Variants in H6PD observed in about 807,000 individuals in gnomAD.
H6PD encodes the protein hexose-6-phosphate dehydrogenase/glucose 1-dehydrogenase.
H6PD carries 48 observed loss-of-function variants against 61.2 expected under a neutral mutation model. The ratio of observed to expected loss-of-function variants is 0.78; its 90% CI spans 0.62 to 1.00. The LOEUF is 1.00. Among genes scored for constraint, H6PD ranks in the 50% least tolerant of loss-of-function variants. The pLI is 0.00. For missense variants in H6PD, 1,093 were observed against 1,065.0 expected (o/e 1.03, Z -0.37); for synonymous variants, 480 against 457.9 (o/e 1.05, Z -0.62).
In H6PD at chr1:9,270,085, G is replaced by A. The variant is rs1403004536; in HGVS notation, c.*5216G>A. On this transcript the variant is annotated 3_prime_UTR_variant, in exon 5 of 5. Transcript: ENST00000377403. ...CTAGCCAACTTTTGGGAGCGCTTCTGTTTGCAAAGCGCTGGGGATGTGCCT... is the reference window on the plus strand; with the variant it reads ...CTAGCCAACTTTTGGGAGCGCTTCTATTTGCAAAGCGCTGGGGATGTGCCT... 1 of 152,630 alleles carries A rather than the reference G, an allele frequency of 6.6e-6. No homozygotes were observed. Among genetic ancestry groups the A allele is most frequent in the Non-Finnish European group, 1.5e-5 (1 of 68,034 alleles). 9.5% of individuals were successfully genotyped at this position (152,630 alleles called of 1,614,324 possible). A position where few individuals can be genotyped will look rare whatever the true frequency, so the allele number is the denominator to read the frequency against.
In H6PD at chr1:9,264,683, C is replaced by A; in HGVS notation, c.2190C>A (p.Ser730Arg). 6.2e-7 allele frequency: 1 copy of A among 1,613,318 alleles called. No homozygotes were observed. Among genetic ancestry groups the A allele is most frequent in the Non-Finnish European group, 8.5e-7 (1 of 1,180,012 alleles). The change falls in exon 5 of 5, where the codon AGC becomes AGA. Residue 730 changes from serine (S) to arginine (R), a missense_variant. Coordinates refer to ENST00000377403, the MANE Select transcript of H6PD (RefSeq NM_004285.4). ...TSPSQPHRRM[S>R]LSLPLINRAK... ...CCTCCCAGCCACACCGCCGCATGAG[C>A]CTTAGCCTGCCTCTCATCAACCGCG...
intron 3 of H6PD, among the ~76,000 whole-genome samples, chr1:9,247,737 C>T (rs933481611): frequency 1.3e-5 from 2 of 152,180 alleles, no homozygotes; most frequent in Non-Finnish European, 1.5e-5. Context: ...GGGGGCCCTG[C>T]GTCATGCCCA....
intron 1 of H6PD, among the ~76,000 whole-genome samples, chr1:9,239,310 G>C (rs554378402): frequency 4.3e-4 from 65 of 152,300 alleles, no homozygotes; most frequent in African/African-American, 1.5e-3. Flanking sequence ...GTCTCCCAAA[G>C]TGCTGGGATT....
Position 9,270,375 on chromosome 1 carries a change from A to C in H6PD, c.*5506A>C, listed in dbSNP as rs892061726. 6.6e-6 allele frequency: 1 copy of C among 152,246 alleles called. No individual in the cohort carries two copies. The highest frequency in any genetic ancestry group is 2.4e-5 in the African/African-American group (1 of 41,430). The allele number at this position is 152,246 out of a possible 1,614,324, so 9.4% of individuals were successfully genotyped here. On this transcript the variant is annotated 3_prime_UTR_variant, in exon 5 of 5. Coordinates refer to ENST00000377403, the MANE Select transcript of H6PD (RefSeq NM_004285.4). ...CTACTTGTGTCGCTTTGGGTCCTTC[A>C]CTTTACCCCCACAGAAGTCTAGAGG...
Position 9,244,908 on chromosome 1 carries a change from C to T in H6PD, c.-10-17C>T, listed in dbSNP as rs1641112538. The T allele has an allele frequency of 1.2e-6, 2 of 1,610,910 alleles. No individual in the cohort carries two copies. Among genetic ancestry groups the T allele is most frequent in the Non-Finnish European group, 1.7e-6 (2 of 1,178,188 alleles). The stretch of plus-strand genomic sequence containing the variant: ...TGATCCTTCCTTGTTCCTCGTCTGT[C>T]TCTCTTTGCACCCCAGGCACCCAGG... On this transcript the variant is annotated splice_polypyrimidine_tract_variant and intron_variant, in intron 1 of 4. Coordinates refer to ENST00000377403, the MANE Select transcript of H6PD (RefSeq NM_004285.4).
At position 9,246,872 on chromosome 1, in the gene H6PD, G is replaced by A. The variant is rs1641190595; in HGVS notation, c.628-94G>A. On this transcript the variant is annotated intron_variant, in intron 2 of 4. Transcript: ENST00000377403. ...CAGAGGGCATCTTCTGCTCTGAGCA[G>A]GGAATAGAAAGGTCAGAGCCCTTCC... 3.5e-6 allele frequency: 3 copies of A among 852,624 alleles called. No individual in the cohort carries two copies. In the South Asian group the frequency reaches 4.0e-5, roughly 11 times the overall value. The allele number at this position is 852,624 out of a possible 1,614,324, so 52.8% of individuals were successfully genotyped here. A position where few individuals can be genotyped will look rare whatever the true frequency, so the allele number is the denominator to read the frequency against.
In H6PD at chr1:9,270,872, C is replaced by G. The variant is rs1638726125; in HGVS notation, c.*6003C>G. On this transcript the variant is annotated 3_prime_UTR_variant, in exon 5 of 5. Coordinates refer to ENST00000377403, the MANE Select transcript of H6PD (RefSeq NM_004285.4). ...CGTGCTTTTTTCCAGAGAGGGGAAC[C>G]CCACTGGTTTTTGTGGAAACAATGG... The G allele has an allele frequency of 1.3e-5, 2 of 152,144 alleles. No individual in the cohort carries two copies. Among genetic ancestry groups the G allele is most frequent in the Admixed American group, 1.3e-4 (2 of 15,278 alleles). The allele number at this position is 152,144 out of a possible 1,614,324, so 9.4% of individuals were successfully genotyped here.
intron 3 of H6PD, among the ~76,000 whole-genome samples, chr1:9,258,498 G>A (rs1007861365): frequency 7.2e-5 from 11 of 151,910 alleles, no homozygotes; most frequent in East Asian, 1.9e-4. Flanking sequence ...TTGTTATGCC[G>A]GTGTTGTGTT....
chr1:9,265,128 G>A lies in H6PD; in HGVS notation c.*259G>A, dbSNP rs768004357. On this transcript the variant is annotated 3_prime_UTR_variant, in exon 5 of 5. Transcript: ENST00000377403. ...GCTTCAAATTCAGGCCAGGAGAGAA[G>A]TCTTAAGAAAAGACCTCCAGCAGTT... is the stretch of plus-strand genomic sequence containing the variant. 113 of 576,550 alleles carry A rather than the reference G, an allele frequency of 2.0e-4. No homozygotes were observed. Among genetic ancestry groups the A allele is most frequent in the Non-Finnish European group, 3.1e-4 (100 of 321,702 alleles). 35.7% of individuals were successfully genotyped at this position (576,550 alleles called of 1,614,324 possible). A position where few individuals can be genotyped will look rare whatever the true frequency, so the allele number is the denominator to read the frequency against.
At chr1:9,239,751 G>A (rs1250515811) in intron 1 of H6PD, 2 of 377,386 alleles carry the variant, frequency 5.3e-6, no homozygotes, top group Non-Finnish European at 4.7e-6. Context: ...AGGGAACAGG[G>A]CAGCAGCAGA....
chr1:9,260,059 T>C (rs1641671027), intron 3 of H6PD, among the ~76,000 whole-genome samples: 1 of 152,170 alleles, frequency 6.6e-6, no homozygotes, highest in Non-Finnish European at 1.5e-5. Context: ...GGTGTTATGT[T>C]GTTACTCCGG....
Position 9,253,059 on chromosome 1 carries a change from A to T in H6PD, c.745+5976A>T, listed in dbSNP as rs180949857. On this transcript the variant is annotated intron_variant, in intron 3 of 4. Coordinates refer to ENST00000377403, the MANE Select transcript of H6PD (RefSeq NM_004285.4). ...CGGGCAGTAACTAGAAAAGATCAAC[A>T]TCAGCAGGAGGGCCAGCCCCTCGCC... Among the ~76,000 whole-genome samples, 376 of 152,340 alleles carry T rather than the reference A, an allele frequency of 2.5e-3. 3 individuals are homozygous for T. Among genetic ancestry groups the T allele is most frequent in the Non-Finnish European group, 4.1e-3 (282 of 68,030 alleles).
Position 9,247,074 on chromosome 1 carries a change from G to T in H6PD, c.736G>T (p.Asp246Tyr). 6.2e-7 allele frequency: 1 copy of T among 1,605,572 alleles called. No homozygotes were observed. The highest frequency in any genetic ancestry group is 8.5e-7 in the Non-Finnish European group (1 of 1,172,162). ...RVEIIMKETV[D>Y]AEGRTSFYEE... ...GGAGATCATCATGAAAGAGACCGTG[G>T]ATGCTGAAGGTGTGTGAGTGGCCCT... Residue 246 changes from aspartate to tyrosine, a missense_variant, in exon 3 of 5, where the codon GAT (aspartate) becomes TAT (tyrosine). Coordinates refer to ENST00000377403, the MANE Select transcript of H6PD (RefSeq NM_004285.4).
Position 9,237,658 on chromosome 1 carries a change from C to T in H6PD, c.-11+2592C>T, listed in dbSNP as rs991832385. On this transcript the variant is annotated intron_variant, in intron 1 of 4. Transcript: ENST00000377403. ...GGTGTGATGCATGTCACACCGATAG[C>T]CTAGCATTTGGCATATAGTTAAATA... 2.0e-5 allele frequency among the ~76,000 whole-genome samples: 3 copies of T among 152,238 alleles called. No homozygotes were observed. In the East Asian group the frequency reaches 5.8e-4, roughly 29 times the overall value.
chr1:9,248,357 A>C (rs1641252267), intron 3 of H6PD, among the ~76,000 whole-genome samples: 1 of 151,934 alleles, frequency 6.6e-6, no homozygotes, highest in African/African-American at 2.4e-5. Context: ...TCCTCTCTGA[A>C]TGTGTATTTA....
intron 3 of H6PD, among the ~76,000 whole-genome samples, chr1:9,260,189 G>T (rs1232273686): frequency 1.3e-5 from 2 of 151,644 alleles, no homozygotes; most frequent in Non-Finnish European, 2.9e-5. Flanking sequence ...TTGTTATGCT[G>T]GTGTTGTTAC....
In H6PD at chr1:9,264,198, A is replaced by G. The variant is rs909563421; in HGVS notation, c.1705A>G (p.Asn569Asp). 6.2e-7 allele frequency: 1 copy of G among 1,611,224 alleles called. No homozygotes were observed. Among genetic ancestry groups the G allele is most frequent in the African/African-American group, 1.3e-5 (1 of 74,850 alleles). The change falls in exon 5 of 5, where the codon AAT (asparagine) becomes GAT (aspartate). Residue 569 changes from asparagine (N) to aspartate (D), a missense_variant. By Grantham distance (23) the Asn-to-Asp change is conservative. Coordinates refer to ENST00000377403, the MANE Select transcript of H6PD (RefSeq NM_004285.4). ...WSEELISKLANDIEATAVRAV... is the reference protein window; with the variant it reads ...WSEELISKLADDIEATAVRAV... ...CGAGGAGCTGATCTCTAAGCTGGCT[A>G]ATGACATCGAGGCCACCGCTGTGCG...
At chr1:9,237,948 T>C (rs1326039876) in intron 1 of H6PD, among the ~76,000 whole-genome samples, 1 of 152,162 alleles carries the variant, frequency 6.6e-6, no homozygotes, top group African/African-American at 2.4e-5. Flanking sequence ...CCTGTCCTCA[T>C]TGGCACGCAC....
intron 2 of H6PD, among the ~76,000 whole-genome samples, chr1:9,246,682 G>A (rs927231798): frequency 7.2e-5 from 11 of 152,202 alleles, no homozygotes; most frequent in Non-Finnish European, 1.3e-4. Flanking sequence ...TACATTTTTG[G>A]TGTTAAACCT....
Sources: gnomAD v4.1 joint callset for allele counts (sites outside exome capture counted in the v4.1 genomes callset) on GRCh38, gnomAD v4.1.1 for gene constraint, MANE v1.5 for transcripts, NCBI Gene and HGNC (gene_info 2026-07-23, HGNC 2026-07-21) for gene names.